MACF1: variants seen among roughly 807,000 people sequenced by gnomAD.
MACF1 encodes the protein microtubule-actin cross-linking factor 1.
MACF1 carries 193 observed loss-of-function variants against 854.8 expected under a neutral mutation model. That is an observed-to-expected ratio of 0.23 (90% CI 0.20 to 0.25). The LOEUF is 0.25. Among genes scored for constraint, MACF1 ranks in the 10% least tolerant of loss-of-function variants. The pLI, the probability that MACF1 is intolerant of heterozygous loss-of-function variation, is 1.00. For synonymous variants in MACF1, 3,185 were observed against 3,226.7 expected, an observed-to-expected ratio of 0.99 and a Z score of 0.44; for missense variants, 7,722 against 8,929.1, an observed-to-expected ratio of 0.86 and a Z score of 5.45.
chr1:39,404,283 C>T (rs1036092783), intron 58 of MACF1, among the ~76,000 whole-genome samples: 3 of 151,580 alleles, frequency 2.0e-5, no homozygotes, highest in Admixed American at 2.0e-4. Context: ...TAAGCTCAGA[C>T]AACATGGTAA....
At chr1:39,361,240 C>A in intron 48 of MACF1, 120 bp from the exon 49 acceptor site, 1 of 999,080 alleles carries the variant, frequency 1.0e-6, no homozygotes, top group Non-Finnish European at 1.5e-6. Context: ...GTGTGGTATT[C>A]TGGAGGCTCG....
chr1:39,283,376 T>A lies in MACF1; in HGVS notation c.809-33T>A, dbSNP rs759903586. On this transcript the variant is annotated intron_variant, in intron 8 of 100. Transcript: ENST00000564288. The surrounding 1 kb of genome is among the most constrained non-coding windows in gnomAD (Gnocchi z 4.5). ...CTTCTTCTGGCAAGTTCCTTTGTTC[T>A]GACTAAGAAATTTCTTGTCCATTCT... The A allele has an allele frequency of 3.1e-6, 5 of 1,590,158 alleles. No homozygotes were observed. In the South Asian group the frequency reaches 4.4e-5, roughly 14 times the overall value.
At chr1:39,412,747 A>G (rs1180721930) in intron 58 of MACF1, 2 of 1,613,346 alleles carry the variant, frequency 1.2e-6, no homozygotes, top group Non-Finnish European at 1.7e-6. Flanking sequence ...AGAGGAATGG[A>G]TACCCGTCCT....
intron 70 of MACF1, among the ~76,000 whole-genome samples, chr1:39,436,261 T>C (rs1214142648): frequency 6.6e-6 from 1 of 152,202 alleles, no homozygotes; most frequent in Non-Finnish European, 1.5e-5. Flanking sequence ...TCAACTAATA[T>C]ATTACTCTTA....
chr1:39,123,142 A>T (rs1642760189), intron 2 of MACF1, among the ~76,000 whole-genome samples: 1 of 151,858 alleles, frequency 6.6e-6, no homozygotes, highest in Non-Finnish European at 1.5e-5. Flanking sequence ...ATAACTTGGC[A>T]GTCAGTGGTG....
At position 39,379,258 on chromosome 1, in the gene MACF1, AGGG is replaced by A; in HGVS notation, c.13335_13337del (p.Gly4446del). ...ATGTAAACTTGAAGTATGAGAAACTAGGGGGAGTACTTCATGAACGCCAGGAAA... is the reference window on the plus strand; with the variant it reads ...ATGTAAACTTGAAGTATGAGAAACTAGGAGTACTTCATGAACGCCAGGAAA... On this transcript the variant is annotated inframe_deletion, in exon 54 of 101. Transcript: ENST00000564288. 1 of 1,612,832 alleles carries A rather than the reference AGGG, an allele frequency of 6.2e-7. No homozygotes were observed. Among genetic ancestry groups the A allele is most frequent in the South Asian group, 1.1e-5 (1 of 90,894 alleles).
In MACF1 at chr1:39,287,336, A is replaced by C. The variant is rs1156681292; in HGVS notation, c.1559A>C (p.Asn520Thr). ...GTCACCTTGCGTCTAGAGTGTACAA[A>C]CCTGTACCGGAAGGGTCATTTCACT... ...ELVTLRLECT[N>T]LYRKGHFTSL... The change falls in exon 15 of 101, where the codon AAC becomes ACC. Residue 520 changes from asparagine (N) to threonine (T), a missense_variant. Around this residue, in one of 15 missense-constraint regions of MACF1, gnomAD observed 1,137 missense variants for 1,263.0 expected, o/e 0.90. Coordinates refer to ENST00000564288, the MANE Select transcript of MACF1 (RefSeq NM_001394062.1). 1.2e-6 allele frequency: 2 copies of C among 1,614,066 alleles called. No individual in the cohort carries two copies. Among genetic ancestry groups the C allele is most frequent in the Non-Finnish European group, 1.7e-6 (2 of 1,179,996 alleles).
chr1:39,084,715 A>C lies in MACF1; in HGVS notation c.220+277A>C, dbSNP rs185045936. Among the ~76,000 whole-genome samples the C allele has an allele frequency of 1.3e-5, 2 of 152,280 alleles. No homozygotes were observed. The highest frequency in any genetic ancestry group is 3.9e-4 in the East Asian group (2 of 5,182). ...CCCCATTCAGTTATATTTTCTATGC[A>C]GTTGCCTTCATGGCTTAGGTACCAT... On this transcript the variant is annotated intron_variant, in intron 2 of 93. Coordinates refer to the MACF1 transcript ENST00000361689. The surrounding 1 kb of genome is among the most constrained non-coding windows in gnomAD (Gnocchi z 5.2).
intron 49 of MACF1, 133 bp downstream of exon 49, chr1:39,361,810 G>A: frequency 1.2e-6 from 1 of 826,430 alleles, no homozygotes. Flanking sequence ...AATTATTACA[G>A]TGATCCCGTA....
chr1:39,086,872 G>T (rs1323972197), intron 2 of MACF1, among the ~76,000 whole-genome samples: 1 of 152,212 alleles, frequency 6.6e-6, no homozygotes. Flanking sequence ...ACTGCTGAAT[G>T]CCTCTTTTGA....
At chr1:39,296,803 A>AGG (rs1399602051) in intron 20 of MACF1, among the ~76,000 whole-genome samples, 10 of 29,560 alleles carry the variant, frequency 3.4e-4, no homozygotes, top group African/African-American at 9.5e-4. Flanking sequence ...GAAGGAAGGA[A>AGG]AAGAAAGAAA....
At position 39,430,136 on chromosome 1, in the gene MACF1, A is replaced by G. The variant is rs934194079; in HGVS notation, c.17130+68A>G. 8 of 1,518,728 alleles carry G rather than the reference A, an allele frequency of 5.3e-6. No individual in the cohort carries two copies. The Admixed American group carries it at 1.3e-4, about 25-fold the overall frequency. The allele number at this position is 1,518,728 out of a possible 1,614,324, so 94.1% of individuals were successfully genotyped here. ...TTTGTCAGAATCCTTAAGTTTTATC[A>G]ACCTTTACCTTAAATATAAACTAAA... On this transcript the variant is annotated intron_variant, in intron 65 of 100. Coordinates refer to ENST00000564288, the MANE Select transcript of MACF1 (RefSeq NM_001394062.1).
chr1:39,268,394 G>C (rs1332645756), intron 6 of MACF1: 5 of 981,316 alleles, frequency 5.1e-6, no homozygotes, highest in Non-Finnish European at 1.2e-6. Context: ...CCTCATATTT[G>C]GAGAGAGGAA....
chr1:39,241,977 G>A (rs1360734456), intron 2 of MACF1, among the ~76,000 whole-genome samples: 1 of 152,206 alleles, frequency 6.6e-6, no homozygotes, highest in Non-Finnish European at 1.5e-5. Flanking sequence ...AAGCACGTAA[G>A]TGTAACTTAC....
At chr1:39,225,965 A>G (rs941274151) in intron 1 of MACF1, among the ~76,000 whole-genome samples, 2 of 152,252 alleles carry the variant, frequency 1.3e-5, no homozygotes, top group Non-Finnish European at 2.9e-5. Context: ...AAATTAAGAT[A>G]TTAAACTCCA....
rs1472186207 is a variant in MACF1, at chr1:39,335,428, A to G, written c.8840A>G (p.Gln2947Arg). The change falls in exon 37 of 101, where the codon CAA (glutamine) becomes CGA (arginine). Residue 2947 changes from glutamine to arginine, a missense_variant. By Grantham distance (43) the Gln-to-Arg change is conservative (BLOSUM62 1). This residue lies in a region of MACF1 where 854 missense variants were observed against 852.6 expected (regional missense o/e 1.00). Coordinates refer to ENST00000564288, the MANE Select transcript of MACF1 (RefSeq NM_001394062.1). ...CAAGGGGAAGTGATTTTGGAAGTAC[A>G]AGAAACATATTGTGAAACGTCAGGC... ...ENQGEVILEVQETYCETSGKL... is the reference protein window; with the variant it reads ...ENQGEVILEVRETYCETSGKL... 5.6e-6 allele frequency: 9 copies of G among 1,614,234 alleles called. No individual in the cohort carries two copies. The highest frequency in any genetic ancestry group is 3.3e-5 in the Admixed American group (2 of 60,032).
At chr1:39,415,552 C>T (rs1331538897) in intron 58 of MACF1, among the ~76,000 whole-genome samples, 1 of 144,970 alleles carries the variant, frequency 6.9e-6, no homozygotes, top group Non-Finnish European at 1.5e-5. Context: ...TTAGTAGAGA[C>T]GGGTTTCACT....
chr1:39,447,078 C>A (rs907750250), intron 80 of MACF1, among the ~76,000 whole-genome samples: 1 of 152,120 alleles, frequency 6.6e-6, no homozygotes, highest in Non-Finnish European at 1.5e-5. Context: ...AAACATTACC[C>A]AAAGCAGGTT....
intron 95 of MACF1, among the ~76,000 whole-genome samples, chr1:39,466,916 G>A (rs1298323348): frequency 1.3e-5 from 2 of 152,200 alleles, no homozygotes; most frequent in Non-Finnish European, 1.5e-5. Context: ...TGCCTTGCCT[G>A]TGCAAATACT....
Sources: allele counts gnomAD v4.1 joint callset (sites outside exome capture counted in the v4.1 genomes callset), GRCh38; gene constraint gnomAD v4.1.1; regional missense constraint gnomAD v4.1.1; non-coding constraint Gnocchi (gnomAD v3.1); transcripts MANE v1.5; gene names NCBI Gene and HGNC (gene_info 2026-07-23, HGNC 2026-07-21).